Variants in PLCB1 observed in about 807,000 individuals in gnomAD.
PLCB1 encodes the protein 1-phosphatidylinositol 4,5-bisphosphate phosphodiesterase beta-1.
A neutral mutation model predicts 161.8 loss-of-function variants in PLCB1; 46 were observed. That is an observed-to-expected ratio of 0.28 (90% confidence interval 0.22 to 0.36). The LOEUF (loss-of-function observed/expected upper bound fraction) is 0.36. PLCB1 is among the 10% of genes least tolerant of loss of function. The pLI, the probability that PLCB1 is intolerant of heterozygous loss-of-function variation, is 1.00. For synonymous variants in PLCB1, 517 were observed against 503.7 expected (o/e 1.03, Z -0.35); for missense variants, 1,016 against 1,472.5 (o/e 0.69, Z 5.07).
In PLCB1 at chr20:8,308,090, T is replaced by C; in HGVS notation, c.178-63292T>C. ...AAATAAACAAAATGCATTGCTGCTT[T>C]GTGCTTTATGCAGAAGACCTTCTCC... On this transcript the variant is annotated intron_variant, in intron 2 of 31. Coordinates refer to ENST00000338037, the MANE Select transcript of PLCB1 (RefSeq NM_015192.4). Among the ~76,000 whole-genome samples the C allele has an allele frequency of 1.3e-5, 2 of 152,086 alleles. 1 individual carries two copies. Among genetic ancestry groups the C allele is most frequent in the Non-Finnish European group, 2.9e-5 (2 of 67,950 alleles).
intron 3 of PLCB1, among the ~76,000 whole-genome samples, chr20:8,482,392 G>A (rs1982543088): frequency 6.6e-6 from 1 of 151,988 alleles, no homozygotes; most frequent in Non-Finnish European, 1.5e-5. Flanking sequence ...GTGAGCCACC[G>A]TGCCCAGCCA....
chr20:8,805,688 G>T (rs1416142669), intron 31 of PLCB1, among the ~76,000 whole-genome samples: 1 of 152,136 alleles, frequency 6.6e-6, no homozygotes, highest in Non-Finnish European at 1.5e-5. Flanking sequence ...GGTTCAAAAA[G>T]GTTAATGAAC....
chr20:8,630,002 CTTT>C (rs1568536378), intron 4 of PLCB1, among the ~76,000 whole-genome samples: 21 of 55,752 alleles, frequency 3.8e-4, no homozygotes, highest in African/African-American at 1.4e-3. Context: ...TTCTTTCTTT[CTTT>C]CTTTCTCTTT....
rs368013460 is a variant in PLCB1, at chr20:8,542,810, G to A, written c.247-85484G>A. ...GGGAAGGAAACTGAAGCCGAGGGAC[G>A]TTAATTGAATTGCCTCTGTTGTGGC... On this transcript the variant is annotated intron_variant, in intron 3 of 31. Coordinates refer to ENST00000338037, the MANE Select transcript of PLCB1 (RefSeq NM_015192.4). Among the ~76,000 whole-genome samples, 644 of 152,310 alleles carry A rather than the reference G, an allele frequency of 4.2e-3. 6 individuals carry two copies. The highest frequency in any genetic ancestry group is 0.027 in the South Asian group (131 of 4,826).
intron 3 of PLCB1, among the ~76,000 whole-genome samples, chr20:8,604,969 C>T (rs1428386993): frequency 2.0e-5 from 3 of 151,782 alleles, no homozygotes; most frequent in African/African-American, 4.8e-5. Context: ...TTTTAAAAAA[C>T]CCTAATCCTA....
chr20:8,252,174 C>G (rs544523947), intron 2 of PLCB1, among the ~76,000 whole-genome samples: 58 of 151,986 alleles, frequency 3.8e-4, no homozygotes, highest in African/African-American at 1.4e-3. Flanking sequence ...TTGGCAATGT[C>G]GAGATCCAGC....
At chr20:8,467,194 G>A (rs538805891) in intron 3 of PLCB1, among the ~76,000 whole-genome samples, 1 of 152,264 alleles carries the variant, frequency 6.6e-6, no homozygotes, top group South Asian at 2.1e-4. Flanking sequence ...GCCTGTCTTG[G>A]CCTCACAAAG....
intron 12 of PLCB1, among the ~76,000 whole-genome samples, chr20:8,715,025 G>A (rs1031775724): frequency 6.6e-6 from 1 of 151,764 alleles, no homozygotes; most frequent in Non-Finnish European, 1.5e-5. Context: ...CACATTTTAT[G>A]ATCAATTTGA....
chr20:8,370,514 T>A (rs2122339861), intron 2 of PLCB1, among the ~76,000 whole-genome samples: 1 of 152,276 alleles, frequency 6.6e-6, no homozygotes, highest in African/African-American at 2.4e-5. Context: ...TCTCTAAGTG[T>A]CTAAAGGCCA....
At chr20:8,345,066 C>A (rs977021391) in intron 2 of PLCB1, among the ~76,000 whole-genome samples, 12 of 152,298 alleles carry the variant, frequency 7.9e-5, no homozygotes, top group African/African-American at 2.6e-4. Flanking sequence ...CATACTCGCT[C>A]TCCATATTTT....
intron 2 of PLCB1, among the ~76,000 whole-genome samples, chr20:8,178,518 T>G (rs964593162): frequency 6.6e-6 from 1 of 152,178 alleles, no homozygotes; most frequent in Non-Finnish European, 1.5e-5. Flanking sequence ...TAATTTAAAT[T>G]TGTTATAGAT....
intron 2 of PLCB1, among the ~76,000 whole-genome samples, chr20:8,192,641 A>G (rs2123111001): frequency 6.6e-6 from 1 of 152,052 alleles, no homozygotes; most frequent in East Asian, 1.9e-4. Context: ...ATCATTTACA[A>G]GGAGTAAATG....
At position 8,457,750 on chromosome 20, in the gene PLCB1, A is replaced by T. The variant is rs78023137; in HGVS notation, c.246+86300A>T. 8.1e-3 allele frequency among the ~76,000 whole-genome samples: 1,219 copies of T among 149,818 alleles called. 13 individuals are homozygous for T. The highest frequency in any genetic ancestry group is 0.029 in the African/African-American group (1,167 of 40,712). ...CACACACACACACACACACACACGT[A>T]CACACCATCTTGCCTTCCAGGCACC... is the stretch of plus-strand genomic sequence containing the variant. On this transcript the variant is annotated intron_variant, in intron 3 of 31. Transcript: ENST00000338037.
At chr20:8,586,768 A>G (rs929147873) in intron 3 of PLCB1, among the ~76,000 whole-genome samples, 2 of 152,150 alleles carry the variant, frequency 1.3e-5, no homozygotes, top group Non-Finnish European at 2.9e-5. Context: ...ATAAATGTAC[A>G]TCATATTTCT....
At chr20:8,238,865 C>CA (rs369690045) in intron 2 of PLCB1, among the ~76,000 whole-genome samples, 7 of 149,818 alleles carry the variant, frequency 4.7e-5, no homozygotes, top group African/African-American at 1.5e-4. Flanking sequence ...AAATGGGTGG[C>CA]TGGGGGGAAG....
In PLCB1 at chr20:8,163,540, C is replaced by G. The variant is rs1371165693; in HGVS notation, c.177+13169C>G. Among the ~76,000 whole-genome samples the G allele has an allele frequency of 2.6e-5, 4 of 152,334 alleles. No individual in the cohort carries two copies. The South Asian group carries it at 6.2e-4, about 24-fold the overall frequency. ...TAAAATCTATATCGCAGTGTGCAAA[C>G]TGGAGCCTGCACCCATTCACGAACA... On this transcript the variant is annotated intron_variant, in intron 2 of 31. Transcript: ENST00000338037.
chr20:8,485,621 A>T (rs896533643), intron 3 of PLCB1, among the ~76,000 whole-genome samples: 3 of 152,224 alleles, frequency 2.0e-5, no homozygotes, highest in Admixed American at 2.0e-4. Flanking sequence ...TGGGCACAGA[A>T]TCTCAGACTA....
At chr20:8,397,724 G>C (rs568505312) in intron 3 of PLCB1, among the ~76,000 whole-genome samples, 2 of 152,162 alleles carry the variant, frequency 1.3e-5, no homozygotes, top group South Asian at 4.1e-4. Context: ...TTCTATCTAT[G>C]TGCTTTTATA....
intron 9 of PLCB1, among the ~76,000 whole-genome samples, chr20:8,665,664 T>C (rs1476985560): frequency 6.6e-6 from 1 of 152,252 alleles, no homozygotes; most frequent in Non-Finnish European, 1.5e-5. Flanking sequence ...TGACTCTTAC[T>C]ATTTACTTCA....
Sources: gnomAD v4.1 joint callset for allele counts (sites outside exome capture counted in the v4.1 genomes callset) on GRCh38, gnomAD v4.1.1 for gene constraint, MANE v1.5 for transcripts, NCBI Gene and HGNC (gene_info 2026-07-23, HGNC 2026-07-21) for gene names.